The following PRELID2 variants were observed in gnomAD, a reference collection of about 807,000 sequenced individuals.
The protein encoded by PRELID2 is PRELI domain containing 2.
A neutral mutation model predicts 28.4 loss-of-function variants in PRELID2; 25 were observed. The observed-to-expected ratio is 0.88, with a 90% CI of 0.64 to 1.23. PRELID2 has a LOEUF of 1.23. Among genes scored for constraint, PRELID2 ranks in the 50% most tolerant of loss-of-function variants. The pLI, the probability that PRELID2 is intolerant of heterozygous loss-of-function variation, is 0.00. For synonymous variants in PRELID2, 76 were observed against 71.6 expected, an observed-to-expected ratio of 1.06 and a Z score of -0.31; for missense variants, 201 against 214.4, an observed-to-expected ratio of 0.94 and a Z score of 0.39.
chr5:145,305,705 C>T, the PRELID2 span, among the ~76,000 whole-genome samples: 4 of 152,246 alleles, frequency 2.6e-5, no homozygotes, highest in African/African-American at 9.6e-5. Context: ...AGAACTTACA[C>T]ACACACATAC....
the PRELID2 span, among the ~76,000 whole-genome samples, chr5:145,426,273 A>G: frequency 6.6e-6 from 1 of 152,188 alleles, no homozygotes; most frequent in African/African-American, 2.4e-5. Context: ...CTCAAGATCA[A>G]TATAGAAATA....
intron 1 of PRELID2, among the ~76,000 whole-genome samples, chr5:145,632,210 TTC>T (rs1753942955): frequency 6.6e-6 from 1 of 152,164 alleles, no homozygotes; most frequent in African/African-American, 2.4e-5. Context: ...AGGTCTATGT[TTC>T]TCTCTTTCTT....
chr5:145,777,106 G>A lies in PRELID2; in HGVS notation c.475-12106C>T, dbSNP rs532905250. Among the ~76,000 whole-genome samples, 12 of 152,280 alleles carry A rather than the reference G, an allele frequency of 7.9e-5. 1 individual carries two copies. In the East Asian group the frequency reaches 2.3e-3, roughly 29 times the overall value. Reference sequence around the variant, plus strand: ...GACAGCTCTGATTCACGTCTTATATGGAATTTGGCCAACAAATTCAGGTTC... The same window carrying A: ...GACAGCTCTGATTCACGTCTTATATAGAATTTGGCCAACAAATTCAGGTTC... On this transcript the variant is annotated intron_variant, in intron 5 of 6. Coordinates refer to ENST00000683046, the MANE Select transcript of PRELID2 (RefSeq NM_205846.3).
In PRELID2 at chr5:145,564,878, C is replaced by T. The variant is rs985466612; in HGVS notation, n.71-91563G>A. On this transcript the variant is annotated intron_variant and non_coding_transcript_variant, in intron 1 of 2. Transcript: ENST00000510259. ...AAGCTTCAGGAGACTTCCATTATGG[C>T]GTCCCTTGGCTAGAGGAGGGAGTTC... is the stretch of plus-strand genomic sequence containing the variant. Among the ~76,000 whole-genome samples the T allele has an allele frequency of 9.8e-5, 15 of 152,300 alleles. No homozygotes were observed. In the South Asian group the frequency reaches 1.4e-3, roughly 15 times the overall value.
At chr5:145,721,048 T>C (rs1755975159) in intron 1 of PRELID2, among the ~76,000 whole-genome samples, 1 of 152,116 alleles carries the variant, frequency 6.6e-6, no homozygotes, top group Non-Finnish European at 1.5e-5. Flanking sequence ...ATAAAACTTT[T>C]TCCAAAAAAT....
At chr5:145,725,851 A>G (rs1756130269) in intron 1 of PRELID2, among the ~76,000 whole-genome samples, 1 of 152,180 alleles carries the variant, frequency 6.6e-6, no homozygotes, top group Non-Finnish European at 1.5e-5. Context: ...CATATTCTAT[A>G]GGGAAAAACT....
At chr5:145,537,609 G>A (rs1042151779) in intron 1 of PRELID2, among the ~76,000 whole-genome samples, 3 of 151,468 alleles carry the variant, frequency 2.0e-5, no homozygotes, top group African/African-American at 7.3e-5. Flanking sequence ...TGTCATTTGT[G>A]TTGTCTTGTT....
intron 2 of PRELID2, among the ~76,000 whole-genome samples, chr5:145,820,514 G>A (rs891669541): frequency 1.3e-5 from 2 of 152,126 alleles, no homozygotes; most frequent in African/African-American, 4.8e-5. Flanking sequence ...CAAAAAGAGG[G>A]AGAACCTGAT....
intron 1 of PRELID2, among the ~76,000 whole-genome samples, chr5:145,731,635 T>C (rs1042711876): frequency 5.3e-5 from 8 of 152,228 alleles, no homozygotes; most frequent in African/African-American, 1.2e-4. Flanking sequence ...CTTCTACCCC[T>C]CACTACTTTT....
At chr5:145,787,080 T>C (rs1307377954) in intron 5 of PRELID2, among the ~76,000 whole-genome samples, 1 of 152,012 alleles carries the variant, frequency 6.6e-6, no homozygotes, top group Non-Finnish European at 1.5e-5. Context: ...GCCAGGAGAG[T>C]GGCTGAAATA....
intron 5 of PRELID2, among the ~76,000 whole-genome samples, chr5:145,770,194 G>C (rs1357675282): frequency 6.6e-6 from 1 of 152,058 alleles, no homozygotes; most frequent in Non-Finnish European, 1.5e-5. Flanking sequence ...TATTTATTAT[G>C]TTGTACTTTT....
chr5:145,630,313 G>A (rs187670166), intron 1 of PRELID2, among the ~76,000 whole-genome samples: 2 of 152,270 alleles, frequency 1.3e-5, no homozygotes, highest in Non-Finnish European at 2.9e-5. Context: ...ACAGCACTGG[G>A]TGACTATGGG....
At chr5:145,806,885 T>C (rs547000609) in intron 4 of PRELID2, among the ~76,000 whole-genome samples, 2 of 152,326 alleles carry the variant, frequency 1.3e-5, no homozygotes, top group South Asian at 4.1e-4. Flanking sequence ...GTAAGTTTCC[T>C]GAGGCCTCCC....
At chr5:145,537,573 T>A (rs1454092592) in intron 1 of PRELID2, among the ~76,000 whole-genome samples, 1 of 151,976 alleles carries the variant, frequency 6.6e-6, no homozygotes, top group Non-Finnish European at 1.5e-5. Flanking sequence ...TGATTAGTGA[T>A]ATTGAGCATC....
chr5:145,588,614 A>G (rs1212419646), intron 1 of PRELID2, among the ~76,000 whole-genome samples: 1 of 152,184 alleles, frequency 6.6e-6, no homozygotes, highest in Non-Finnish European at 1.5e-5. Context: ...TAATTGAGAG[A>G]GGGTGCACAT....
the PRELID2 span, among the ~76,000 whole-genome samples, chr5:145,296,660 A>G: frequency 6.6e-6 from 1 of 152,170 alleles, no homozygotes; most frequent in Non-Finnish European, 1.5e-5. Flanking sequence ...ATATGTGTGC[A>G]TGTGTCTATA....
At chr5:145,502,356 ATAATC>A (rs1752367264) in intron 1 of PRELID2, among the ~76,000 whole-genome samples, 2 of 152,142 alleles carry the variant, frequency 1.3e-5, no homozygotes, top group African/African-American at 4.8e-5. Context: ...AACCACCCTC[ATAATC>A]TAATCACCTT....
At chr5:145,647,421 T>C (rs1259317315) in intron 1 of PRELID2, among the ~76,000 whole-genome samples, 1 of 152,062 alleles carries the variant, frequency 6.6e-6, no homozygotes, top group Non-Finnish European at 1.5e-5. Flanking sequence ...GTGCTGGTAG[T>C]GAGAATTTCA....
At chr5:145,268,991 T>G in the PRELID2 span, among the ~76,000 whole-genome samples, 1 of 152,072 alleles carries the variant, frequency 6.6e-6, no homozygotes, top group African/African-American at 2.4e-5. Context: ...GGGCAAAACC[T>G]CCATGCTAAG....
Sources: allele counts gnomAD v4.1 joint callset (sites outside exome capture counted in the v4.1 genomes callset), GRCh38; gene constraint gnomAD v4.1.1; transcripts MANE v1.5; gene names NCBI Gene and HGNC (gene_info 2026-07-23, HGNC 2026-07-21).